Variants in DPYD observed in about 807,000 individuals in gnomAD.
The protein encoded by DPYD is dihydropyrimidine dehydrogenase, also known as dihydropyrimidine dehydrogenase [NADP(+)].
A neutral mutation model predicts 116.2 loss-of-function variants in DPYD; 109 were observed. That is an observed-to-expected ratio of 0.94 (90% confidence interval 0.80 to 1.10). The LOEUF (loss-of-function observed/expected upper bound fraction) is 1.10. Ranked by LOEUF, DPYD falls within the 50% of genes least tolerant of loss-of-function variation. The probability of loss-of-function intolerance (pLI) is 0.00; values close to 1 mark genes in which losing one functional copy is unlikely to be tolerated. For synonymous variants in DPYD, 440 were observed against 432.0 expected (o/e 1.02, Z -0.23); for missense variants, 1,302 against 1,254.5 (o/e 1.04, Z -0.57).
At chr1:97,227,617 A>G (rs142963327) in intron 19 of DPYD, among the ~76,000 whole-genome samples, 4 of 146,190 alleles carry the variant, frequency 2.7e-5, no homozygotes, top group African/African-American at 1.1e-4. Flanking sequence ...AAAATATATT[A>G]TAAAATAATT....
intron 2 of DPYD, among the ~76,000 whole-genome samples, chr1:97,841,725 T>G (rs1457677603): frequency 2.0e-5 from 3 of 152,034 alleles, no homozygotes; most frequent in African/African-American, 7.2e-5. Flanking sequence ...AAAAAATGTT[T>G]GTTCCCAGAT....
chr1:97,470,864 C>T (rs538542176), intron 13 of DPYD, among the ~76,000 whole-genome samples: 3 of 152,194 alleles, frequency 2.0e-5, no homozygotes, highest in African/African-American at 7.2e-5. Flanking sequence ...GTGGTGGGAA[C>T]CTGTAATCCC....
chr1:97,201,533 T>C (rs1441505969), intron 19 of DPYD, among the ~76,000 whole-genome samples: 1 of 152,136 alleles, frequency 6.6e-6, no homozygotes, highest in African/African-American at 2.4e-5. Context: ...CTTACTGGAA[T>C]TCATGAATAA....
At chr1:97,866,426 G>A (rs1469303598) in intron 2 of DPYD, among the ~76,000 whole-genome samples, 1 of 151,918 alleles carries the variant, frequency 6.6e-6, no homozygotes, top group Non-Finnish European at 1.5e-5. Context: ...TTTATATTGT[G>A]TGACTGTATT....
chr1:97,519,517 T>C (rs1414812207), intron 12 of DPYD, among the ~76,000 whole-genome samples: 1 of 152,068 alleles, frequency 6.6e-6, no homozygotes, highest in Non-Finnish European at 1.5e-5. Flanking sequence ...TAAAACCCAT[T>C]AAGTGAAGCT....
chr1:97,879,332 T>A (rs1672073412), intron 2 of DPYD, among the ~76,000 whole-genome samples: 1 of 151,990 alleles, frequency 6.6e-6, no homozygotes, highest in Non-Finnish European at 1.5e-5. Flanking sequence ...TTTGCTATAA[T>A]TCTTAAAAAC....
chr1:97,703,131 TG>T (rs1661704501), intron 5 of DPYD, among the ~76,000 whole-genome samples: 1 of 152,082 alleles, frequency 6.6e-6, no homozygotes. Flanking sequence ...TGCTCTGTTC[TG>T]GAATTTTTTC....
intron 20 of DPYD, among the ~76,000 whole-genome samples, chr1:97,163,738 T>C (rs890884338): frequency 1.4e-4 from 22 of 152,150 alleles, no homozygotes; most frequent in Non-Finnish European, 1.5e-5. Context: ...CTAATCTCAT[T>C]CATGAGTTTG....
At chr1:97,134,686 C>T (rs1023365383) in intron 20 of DPYD, among the ~76,000 whole-genome samples, 5 of 152,122 alleles carry the variant, frequency 3.3e-5, no homozygotes, top group African/African-American at 4.8e-5. Context: ...TATTTTGACA[C>T]GACTTTCTGA....
intron 11 of DPYD, among the ~76,000 whole-genome samples, chr1:97,570,671 G>A (rs1157312729): frequency 4.0e-5 from 6 of 151,708 alleles, no homozygotes; most frequent in Non-Finnish European, 8.8e-5. Context: ...TGCAATAATA[G>A]TGAATTTGAG....
At chr1:97,497,388 C>CT (rs1679330718) in intron 13 of DPYD, among the ~76,000 whole-genome samples, 1 of 151,812 alleles carries the variant, frequency 6.6e-6, no homozygotes, top group African/African-American at 2.4e-5. Flanking sequence ...CTCCAAAACT[C>CT]TATTTTTAGA....
At chr1:97,782,756 A>G (rs935190662) in intron 3 of DPYD, among the ~76,000 whole-genome samples, 3 of 152,236 alleles carry the variant, frequency 2.0e-5, no homozygotes, top group African/African-American at 7.2e-5. Flanking sequence ...AATGTCTTAA[A>G]TCATTTATAA....
intron 12 of DPYD, among the ~76,000 whole-genome samples, chr1:97,525,978 AGTGTGTGT>A (rs71071658): frequency 8.2e-4 from 114 of 138,224 alleles, no homozygotes; most frequent in African/African-American, 1.8e-3. Flanking sequence ...GGTAATTAAG[AGTGTGTGT>A]GTGTGTGTGT....
At chr1:97,158,523 A>ACAAC (rs956515247) in intron 20 of DPYD, among the ~76,000 whole-genome samples, 2 of 145,178 alleles carry the variant, frequency 1.4e-5, no homozygotes, top group African/African-American at 5.2e-5. Context: ...ACACACACAC[A>ACAAC]CTCTATCCAA....
chr1:97,575,943 T>C (rs1653234193), intron 10 of DPYD, among the ~76,000 whole-genome samples: 1 of 152,166 alleles, frequency 6.6e-6, no homozygotes, highest in South Asian at 2.1e-4. Flanking sequence ...CTTCAGCTAT[T>C]CAATATCACT....
chr1:97,363,549 G>T (rs1379340913), intron 16 of DPYD, among the ~76,000 whole-genome samples: 1 of 152,108 alleles, frequency 6.6e-6, no homozygotes, highest in African/African-American at 2.4e-5. Flanking sequence ...CTTGGAAGCA[G>T]CCCAAAGGTC....
intron 11 of DPYD, among the ~76,000 whole-genome samples, chr1:97,568,208 A>G (rs1652666802): frequency 6.6e-6 from 1 of 152,138 alleles, no homozygotes; most frequent in Admixed American, 6.6e-5. Context: ...TCATGTTGAC[A>G]GAGCCTCCAA....
At chr1:97,390,130 C>T (rs2101598245) in intron 14 of DPYD, among the ~76,000 whole-genome samples, 1 of 152,152 alleles carries the variant, frequency 6.6e-6, no homozygotes, top group Admixed American at 6.6e-5. Flanking sequence ...GACTTCAGGT[C>T]TATGCTTTTT....
At chr1:97,398,738 T>C (rs1673167671) in intron 14 of DPYD, among the ~76,000 whole-genome samples, 1 of 152,260 alleles carries the variant, frequency 6.6e-6, no homozygotes, top group Non-Finnish European at 1.5e-5. Context: ...GCTGCATAAA[T>C]GTCTTCTTTT....
Sources: allele counts gnomAD v4.1 joint callset (sites outside exome capture counted in the v4.1 genomes callset), GRCh38; gene constraint gnomAD v4.1.1; transcripts MANE v1.5; gene names NCBI Gene and HGNC (gene_info 2026-07-23, HGNC 2026-07-21).